CLIP1: variants seen among roughly 807,000 people sequenced by gnomAD.
The protein encoded by CLIP1 is CAP-Gly domain containing linker protein 1.
Under a neutral mutation model 161.6 loss-of-function variants are expected in CLIP1, and 66 were observed. The ratio of observed to expected loss-of-function variants is 0.41; its 90% CI spans 0.33 to 0.50. CLIP1 has a LOEUF of 0.50. Ranked by LOEUF, CLIP1 falls within the 20% of genes least tolerant of loss-of-function variation. CLIP1 has a pLI of 0.27. For synonymous variants in CLIP1, 598 were observed against 626.2 expected (o/e 0.96, Z 0.67); for missense variants, 1,376 against 1,702.0 (o/e 0.81, Z 3.37).
At chr12:122,292,732 G>A (rs1020357678) in intron 20 of CLIP1, among the ~76,000 whole-genome samples, 6 of 152,110 alleles carry the variant, frequency 3.9e-5, no homozygotes, top group African/African-American at 7.2e-5. Context: ...GGCCGGGCAC[G>A]GTGGCTCAAG....
At chr12:122,307,983 G>A (rs1307832195) in intron 20 of CLIP1, among the ~76,000 whole-genome samples, 1 of 152,142 alleles carries the variant, frequency 6.6e-6, no homozygotes, top group Non-Finnish European at 1.5e-5. Context: ...CATTCCTGTA[G>A]GCATTACTTT....
intron 15 of CLIP1, among the ~76,000 whole-genome samples, chr12:122,331,086 C>T (rs1951943069): frequency 6.6e-6 from 1 of 151,804 alleles, no homozygotes; most frequent in African/African-American, 2.4e-5. Flanking sequence ...ACTATCTCAG[C>T]TCACCGCAAC....
intron 8 of CLIP1, 130 bp downstream of exon 8, chr12:122,352,596 C>T (rs1448632049): frequency 7.5e-6 from 6 of 804,008 alleles, no homozygotes; most frequent in African/African-American, 1.7e-5. Context: ...CACAAAGCCA[C>T]CCCCAGAACC....
chr12:122,353,582 C>T (rs576707781), intron 7 of CLIP1, among the ~76,000 whole-genome samples: 14 of 152,230 alleles, frequency 9.2e-5, no homozygotes, highest in African/African-American at 2.6e-4. Flanking sequence ...CCAGTGCACT[C>T]CAGCCTGAGT....
chr12:122,398,421 C>T (rs887841018), intron 1 of CLIP1, among the ~76,000 whole-genome samples: 2 of 139,762 alleles, frequency 1.4e-5, no homozygotes, highest in African/African-American at 5.8e-5. Context: ...TGAGACTCCA[C>T]CTTAAAAAAA....
chr12:122,345,671 G>C (rs1343440303), intron 10 of CLIP1, among the ~76,000 whole-genome samples: 1 of 152,108 alleles, frequency 6.6e-6, no homozygotes, highest in Non-Finnish European at 1.5e-5. Flanking sequence ...ATTAGAGACA[G>C]AGTAATTTTT....
chr12:122,319,383 A>G (rs1437034449), intron 17 of CLIP1, 35 bp from the exon 18 acceptor site: 2 of 1,505,710 alleles, frequency 1.3e-6, no homozygotes, highest in Non-Finnish European at 1.8e-6. Context: ...AAATGAGGAC[A>G]GCCCTCGCCA....
intron 1 of CLIP1, among the ~76,000 whole-genome samples, chr12:122,384,946 T>C (rs1472811307): frequency 6.6e-6 from 1 of 150,762 alleles, no homozygotes; most frequent in Non-Finnish European, 1.5e-5. Flanking sequence ...ATTTTTTTTT[T>C]TTTTTTTGAG....
At chr12:122,274,456 A>G (rs1955310204) in intron 24 of CLIP1, 1 of 186,406 alleles carries the variant, frequency 5.4e-6, no homozygotes, top group African/African-American at 2.3e-5. Flanking sequence ...AGGAGATGCT[A>G]TTTTATATTT....
chr12:122,353,976 A>G (rs1437679410), intron 7 of CLIP1, among the ~76,000 whole-genome samples: 1 of 152,042 alleles, frequency 6.6e-6, no homozygotes, highest in African/African-American at 2.4e-5. Context: ...AAGTCAAATC[A>G]AAGCAGACGC....
At chr12:122,336,869 AAT>A in intron 11 of CLIP1, 121 bp from the exon 12 acceptor site, 2 of 449,392 alleles carry the variant, frequency 4.5e-6, no homozygotes, top group Non-Finnish European at 7.8e-6. Context: ...AACTGAAAGG[AAT>A]ACAAATTTGG....
At chr12:122,396,049 G>A (rs1427143864) in intron 1 of CLIP1, 1 of 151,952 alleles carries the variant, frequency 6.6e-6, no homozygotes, top group Non-Finnish European at 1.5e-5. Flanking sequence ...GGAGGTTGCA[G>A]TGAGCCGAGA....
chr12:122,365,676 T>TA lies in CLIP1; in HGVS notation c.658-1570_658-1569insT, dbSNP rs1954111948. ...ATAAAATAAAGGACCTCTGGGCTAT[T>TA]TAAAAAAAAAAAAAAAGAAAGAACT... On this transcript the variant is annotated intron_variant, in intron 3 of 25. Coordinates refer to ENST00000620786, the MANE Select transcript of CLIP1 (RefSeq NM_001247997.2). 90 of 569,976 alleles carry TA rather than the reference T, an allele frequency of 1.6e-4. 2 individuals carry two copies. Among genetic ancestry groups the TA allele is most frequent in the East Asian group, 1.8e-4 (6 of 32,538 alleles). 35.3% of individuals were successfully genotyped at this position (569,976 alleles called of 1,614,324 possible).
At chr12:122,361,892 G>C (rs761598512) in intron 4 of CLIP1, among the ~76,000 whole-genome samples, 2 of 151,878 alleles carry the variant, frequency 1.3e-5, no homozygotes, top group Non-Finnish European at 2.9e-5. Flanking sequence ...CACTACAAAA[G>C]AAGTTATTCA....
intron 1 of CLIP1, among the ~76,000 whole-genome samples, chr12:122,416,100 TG>T (rs1205348867): frequency 6.6e-6 from 1 of 151,002 alleles, no homozygotes; most frequent in Admixed American, 6.6e-5. Context: ...TATCTGGGCG[TG>T]GTGGCAGGCG....
At chr12:122,330,583 A>G (rs12372756) in intron 15 of CLIP1, among the ~76,000 whole-genome samples, 113,840 of 145,670 alleles carry the variant, frequency 0.78, 44,858 homozygotes, top group African/African-American at 0.85. Flanking sequence ...TCAGCACTGA[A>G]GAAGTATAAT....
chr12:122,408,785 T>C (rs1956420225), intron 1 of CLIP1, among the ~76,000 whole-genome samples: 1 of 152,004 alleles, frequency 6.6e-6, no homozygotes. Flanking sequence ...ACGTTTCTAT[T>C]TTCACAATAC....
At chr12:122,357,981 T>C (rs1195735763) in intron 5 of CLIP1, among the ~76,000 whole-genome samples, 1 of 151,660 alleles carries the variant, frequency 6.6e-6, no homozygotes, top group Admixed American at 6.6e-5. Flanking sequence ...ACAATGGCGG[T>C]TTTGTGGAAT....
intron 3 of CLIP1, among the ~76,000 whole-genome samples, chr12:122,376,931 A>C (rs1276828784): frequency 6.6e-6 from 1 of 151,858 alleles, no homozygotes; most frequent in African/African-American, 2.4e-5. Flanking sequence ...AACTGAACTG[A>C]TTAATTTCTC....
Sources: allele counts gnomAD v4.1 joint callset (sites outside exome capture counted in the v4.1 genomes callset), GRCh38; gene constraint gnomAD v4.1.1; transcripts MANE v1.5; gene names NCBI Gene and HGNC (gene_info 2026-07-23, HGNC 2026-07-21).